Variants in MYO1A observed in about 807,000 individuals in gnomAD.
MYO1A encodes the protein myosin IA.
In MYO1A, 127 loss-of-function variants were observed where a neutral mutation model predicts 138.5. The ratio of observed to expected loss-of-function variants is 0.92; its 90% CI spans 0.79 to 1.06. The LOEUF is 1.06. Ranked by LOEUF, MYO1A falls within the 50% of genes least tolerant of loss-of-function variation. The pLI is 0.00. For synonymous variants in MYO1A, 477 were observed against 497.5 expected (o/e 0.96, Z 0.55); for missense variants, 1,211 against 1,288.8 (o/e 0.94, Z 0.92).
Position 57,037,063 on chromosome 12 carries a change from A to C in MYO1A, c.2084T>G (p.Leu695Arg). The stretch of plus-strand genomic sequence containing the variant: ...GAGTGTGGCCAGCTGCTGGAGTCTC[A>C]GGCGCCTCTGTTCTTCGAGGTAGAA... ...TLFYLEEQRR[L>R]RLQQLATLIQ... Residue 695 changes from leucine (L) to arginine (R), a missense_variant, in exon 20 of 28, where the codon CTG becomes CGG. Physicochemically the swap from Leu to Arg is moderately radical, Grantham distance 102. Coordinates refer to ENST00000300119, the MANE Select transcript of MYO1A (RefSeq NM_005379.4). 6.2e-7 allele frequency: 1 copy of C among 1,614,126 alleles called. No homozygotes were observed. The highest frequency in any genetic ancestry group is 8.5e-7 in the Non-Finnish European group (1 of 1,180,010).
At chr12:57,039,076 C>A in intron 15 of MYO1A, 67 bp from the exon 16 acceptor site, 1 of 1,574,872 alleles carries the variant, frequency 6.3e-7, no homozygotes, top group African/African-American at 1.3e-5. Flanking sequence ...GTTCTCATTG[C>A]TGCCCCCTTT....
chr12:57,029,299 T>G (rs1448003208), intron 26 of MYO1A, 40 bp from the exon 27 acceptor site: 2 of 1,613,524 alleles, frequency 1.2e-6, no homozygotes, highest in South Asian at 2.2e-5. Context: ...GGATTCATTT[T>G]TTCTCTTCAG....
intron 6 of MYO1A, 59 bp from the exon 7 acceptor site, chr12:57,046,985 G>A: frequency 1.2e-6 from 2 of 1,610,500 alleles, no homozygotes; most frequent in Non-Finnish European, 1.7e-6. Context: ...CACCCTGCCT[G>A]GAAGGGGTCT....
intron 1 of MYO1A, among the ~76,000 whole-genome samples, chr12:57,049,371 T>A (rs2031255512): frequency 6.6e-6 from 1 of 152,226 alleles, no homozygotes; most frequent in Admixed American, 6.5e-5. Flanking sequence ...CACATCCTCC[T>A]ATGCTATTGC....
rs762891155 is a variant in MYO1A at position 57,031,153 on chromosome 12, G to A, written c.2371C>T (p.Leu791=). The A allele has an allele frequency of 3.1e-6, 5 of 1,614,134 alleles. No individual in the cohort carries two copies. The highest frequency in any genetic ancestry group is 4.2e-6 in the Non-Finnish European group (5 of 1,180,020). ...KSMVQKFLLG[L]KNNLPSTNVL... is the part of the protein sequence containing the mutation. ...TTTGTGGATGGCAAATTGTTCTTCA[G>A]CCCCAGTAGGAATTTCTGTACCTAG... is the stretch of plus-strand genomic sequence containing the variant. Residue 791 remains leucine, a synonymous_variant, in exon 23 of 28, where the codon CTG becomes TTG. Transcript: ENST00000300119.
chr12:57,047,044 G>A lies in MYO1A; in HGVS notation c.477+17C>T. 2.5e-6 allele frequency: 4 copies of A among 1,614,072 alleles called. No individual in the cohort carries two copies. The highest frequency in any genetic ancestry group is 1.3e-5 in the African/African-American group (1 of 75,036). On this transcript the variant is annotated intron_variant, in intron 6 of 27. Coordinates refer to ENST00000300119, the MANE Select transcript of MYO1A (RefSeq NM_005379.4). Reference sequence around the variant, plus strand: ...CCCCCACATCCTCTCTTCCCAGGTGGGGAGACATTTACTCACAAATCGGGA... The same window carrying A: ...CCCCCACATCCTCTCTTCCCAGGTGAGGAGACATTTACTCACAAATCGGGA...
chr12:57,036,353 C>T lies in MYO1A; in HGVS notation c.2303G>A (p.Arg768Gln), dbSNP rs200613598. 49 of 1,613,616 alleles carry T rather than the reference C, an allele frequency of 3.0e-5. No homozygotes were observed. Among genetic ancestry groups the T allele is most frequent in the African/African-American group, 8.0e-5 (6 of 74,856 alleles). Residue 768 changes from arginine to glutamine, a missense_variant, in exon 22 of 28, where the codon CGG (arginine) becomes CAG (glutamine). By Grantham distance (43) the Arg-to-Gln change is conservative. Coordinates refer to ENST00000300119, the MANE Select transcript of MYO1A (RefSeq NM_005379.4). ...KARKNYRKYF[R>Q]SEAALTLADF... The stretch of plus-strand genomic sequence containing the variant: ...TGCCAAGGTGAGGGCAGCCTCTGAC[C>T]GGAAATATTTGCGATAATTCTTTCG...
At position 57,043,231 on chromosome 12, in the gene MYO1A, GCTC is replaced by G. The variant is rs1452604296; in HGVS notation, c.1011+6_1011+8del. On this transcript the variant is annotated splice_donor_region_variant and intron_variant, in intron 11 of 27. Coordinates refer to ENST00000300119, the MANE Select transcript of MYO1A (RefSeq NM_005379.4). The stretch of plus-strand genomic sequence containing the variant: ...GAAACAGCCCCCTCCACTCCAGTGA[GCTC>G]CTTACCTGCATAACATTCAGTGCAG... The G allele has an allele frequency of 6.2e-7, 1 of 1,613,904 alleles. No individual in the cohort carries two copies. The highest frequency in any genetic ancestry group is 8.5e-7 in the Non-Finnish European group (1 of 1,179,742).
In MYO1A at chr12:57,028,861, T is replaced by C; in HGVS notation, c.3026A>G (p.Glu1009Gly). 1 of 1,613,392 alleles carries C rather than the reference T, an allele frequency of 6.2e-7. No homozygotes were observed. Among genetic ancestry groups the C allele is most frequent in the Non-Finnish European group, 8.5e-7 (1 of 1,179,398 alleles). Residue 1009 changes from glutamate (E) to glycine (G), a missense_variant, in exon 28 of 28, where the codon GAG becomes GGG. Glu to Gly is a moderately conservative substitution (Grantham distance 98, BLOSUM62 -2). Coordinates refer to ENST00000300119, the MANE Select transcript of MYO1A (RefSeq NM_005379.4). The stretch of plus-strand genomic sequence containing the variant: ...GACGACCTTGACAGCCACACTGTTC[T>C]CCTTGAACCTCACTGAGAACCTGGA... ...VTEKFSVRFKENSVAVKVVQG... is the reference protein window; with the variant it reads ...VTEKFSVRFKGNSVAVKVVQG...
At chr12:57,049,666 T>A (rs1270608840) in intron 1 of MYO1A, among the ~76,000 whole-genome samples, 2 of 152,224 alleles carry the variant, frequency 1.3e-5, no homozygotes, top group Non-Finnish European at 2.9e-5. Flanking sequence ...ACTATTTTTG[T>A]ATTTTCTAGA....
At position 57,037,107 on chromosome 12, in the gene MYO1A, A is replaced by AG; in HGVS notation, c.2056-17dup. ...GGTAGAAAAGCTGTGGAGAGGTGGA[A>AG]GGGGGTGACAGAGAGACTGGCTCAG... On this transcript the variant is annotated splice_polypyrimidine_tract_variant and intron_variant, in intron 19 of 27. Transcript: ENST00000300119. 6.2e-7 allele frequency: 1 copy of AG among 1,613,862 alleles called. No homozygotes were observed. The highest frequency in any genetic ancestry group is 8.5e-7 in the Non-Finnish European group (1 of 1,179,970).
At chr12:57,049,672 C>T (rs1185163020) in intron 1 of MYO1A, among the ~76,000 whole-genome samples, 1 of 152,138 alleles carries the variant, frequency 6.6e-6, no homozygotes, top group Non-Finnish European at 1.5e-5. Context: ...TTTGTATTTT[C>T]TAGATTTTAC....
Position 57,028,692 on chromosome 12 carries a change from G to A in MYO1A, c.*63C>T. 1 of 1,601,200 alleles carries A rather than the reference G, an allele frequency of 6.2e-7. No individual in the cohort carries two copies. The highest frequency in any genetic ancestry group is 8.5e-7 in the Non-Finnish European group (1 of 1,171,890). Reference sequence around the variant, plus strand: ...GTTAGAGATCCTCCCACACAGGAGGGCAGAGGGGGATTAGTGCTGGTTCAG... The same window carrying A: ...GTTAGAGATCCTCCCACACAGGAGGACAGAGGGGGATTAGTGCTGGTTCAG... On this transcript the variant is annotated 3_prime_UTR_variant, in exon 28 of 28. Coordinates refer to ENST00000300119, the MANE Select transcript of MYO1A (RefSeq NM_005379.4).
Position 57,036,927 on chromosome 12 carries a change from T to C in MYO1A, c.2205+15A>G. 6.2e-7 allele frequency: 1 copy of C among 1,614,204 alleles called. No homozygotes were observed. Among genetic ancestry groups the C allele is most frequent in the East Asian group, 2.2e-5 (1 of 44,886 alleles). On this transcript the variant is annotated intron_variant, in intron 20 of 27. Transcript: ENST00000300119. ...TATTAGAGTGAACAGAGTGGGACTTTGGGGATGACCGTACCATGTTTCCCC... is the reference window on the plus strand; with the variant it reads ...TATTAGAGTGAACAGAGTGGGACTTCGGGGATGACCGTACCATGTTTCCCC...
chr12:57,037,615 T>A lies in MYO1A; in HGVS notation c.1988A>T (p.Glu663Val), dbSNP rs1194104985. 17 of 1,613,832 alleles carry A rather than the reference T, an allele frequency of 1.1e-5. No individual in the cohort carries two copies. Among genetic ancestry groups the A allele is most frequent in the Non-Finnish European group, 1.4e-5 (17 of 1,179,998 alleles). The change falls in exon 19 of 28, where the codon GAG (glutamate) becomes GTG (valine). Residue 663 changes from glutamate to valine, a missense_variant. Transcript: ENST00000300119. ...CAGCTCCCCCGAGGACATGCTCAGC[T>A]CCCCCAGGACCTTCTCAACACCTTC... ...DREGVEKVLG[E>V]LSMSSGELAF...
chr12:57,035,865 G>C (rs139622269), intron 22 of MYO1A, among the ~76,000 whole-genome samples: 1 of 152,332 alleles, frequency 6.6e-6, no homozygotes, highest in African/African-American at 2.4e-5. Context: ...AATAGTTTCA[G>C]AGGAAGTAGA....
chr12:57,041,598 T>C (rs771062411), intron 12 of MYO1A, 101 bp from the exon 13 acceptor site: 2 of 945,060 alleles, frequency 2.1e-6, no homozygotes, highest in Non-Finnish European at 3.5e-6. Flanking sequence ...CAAACAGAAC[T>C]AGCAAGAGCT....
intron 14 of MYO1A, among the ~76,000 whole-genome samples, chr12:57,040,885 A>G (rs2030827372): frequency 6.6e-6 from 1 of 152,222 alleles, no homozygotes. Flanking sequence ...CCAAACCCAG[A>G]AGAAATGTCC....
chr12:57,039,756 C>T (rs2030773691), intron 14 of MYO1A, among the ~76,000 whole-genome samples: 1 of 152,182 alleles, frequency 6.6e-6, no homozygotes, highest in South Asian at 2.1e-4. Context: ...TGCAGCACAA[C>T]CACCTGGAGG....
Sources: allele counts gnomAD v4.1 joint callset (sites outside exome capture counted in the v4.1 genomes callset), GRCh38; gene constraint gnomAD v4.1.1; transcripts MANE v1.5; gene names NCBI Gene and HGNC (gene_info 2026-07-23, HGNC 2026-07-21).